Variants in RICTOR observed in about 807,000 individuals in gnomAD.
RICTOR encodes the protein rapamycin-insensitive companion of mTOR.
A neutral mutation model predicts 214.9 loss-of-function variants in RICTOR; 49 were observed. That is an observed-to-expected ratio of 0.23 (90% CI 0.18 to 0.29). The LOEUF is 0.29. RICTOR is among the 10% of genes least tolerant of loss of function. The pLI, the probability that RICTOR is intolerant of heterozygous loss-of-function variation, is 1.00. For missense variants in RICTOR, 1,625 were observed against 2,047.0 expected (o/e 0.79, Z 3.98); for synonymous variants, 717 against 711.3 (o/e 1.01, Z -0.13).
At chr5:38,999,027 C>CA (rs1186312478) in intron 5 of RICTOR, among the ~76,000 whole-genome samples, 384 of 25,142 alleles carry the variant, frequency 0.015, 2 homozygotes, top group African/African-American at 0.024. Context: ...AACAAACAGG[C>CA]AAAAAAAAAA....
At chr5:38,975,927 C>T (rs1011820256) in intron 9 of RICTOR, among the ~76,000 whole-genome samples, 3 of 152,114 alleles carry the variant, frequency 2.0e-5, no homozygotes, top group Non-Finnish European at 4.4e-5. Flanking sequence ...ACTAGGCTGC[C>T]CCTTAGCAAA....
At chr5:39,021,958 T>A (rs867377136) in intron 2 of RICTOR, among the ~76,000 whole-genome samples, 1 of 152,168 alleles carries the variant, frequency 6.6e-6, no homozygotes, top group South Asian at 2.1e-4. Context: ...CTTAGAACGG[T>A]TAGACCTAAT....
Position 39,073,995 on chromosome 5 carries a change from G to A in RICTOR, c.97+116C>T, listed in dbSNP as rs1359137305. ...GGCCGGCAGGCGGGGCTCCGGCTCTGGCCCCCGCACCCCGCCGGTCCCGTG... is the reference window on the plus strand; with the variant it reads ...GGCCGGCAGGCGGGGCTCCGGCTCTAGCCCCCGCACCCCGCCGGTCCCGTG... On this transcript the variant is annotated intron_variant, in intron 2 of 37. Transcript: ENST00000357387. 576 of 600,850 alleles carry A rather than the reference G, an allele frequency of 9.6e-4. 3 individuals are homozygous for A. The highest frequency in any genetic ancestry group is 1.9e-3 in the South Asian group (25 of 13,182). The allele number at this position is 600,850 out of a possible 1,614,324, so 37.2% of individuals were successfully genotyped here.
chr5:39,019,667 A>G (rs1189338269), intron 3 of RICTOR, among the ~76,000 whole-genome samples: 1 of 152,196 alleles, frequency 6.6e-6, no homozygotes, highest in Non-Finnish European at 1.5e-5. Context: ...TAGTCACCCA[A>G]GAGTTGACAG....
chr5:38,954,123 A>G (rs1749030910), intron 27 of RICTOR, among the ~76,000 whole-genome samples: 1 of 151,950 alleles, frequency 6.6e-6, no homozygotes, highest in Non-Finnish European at 1.5e-5. Flanking sequence ...CTTGAGATGA[A>G]TACTGATACA....
chr5:38,963,170 A>G (rs765084681), intron 16 of RICTOR, 129 bp from the exon 17 acceptor site: 1 of 619,184 alleles, frequency 1.6e-6, no homozygotes, highest in African/African-American at 1.8e-5. Context: ...AAATTATTTC[A>G]TCAAATTTGG....
intron 30 of RICTOR, 49 bp from the exon 31 acceptor site, chr5:38,950,769 C>A: frequency 1.4e-6 from 2 of 1,465,400 alleles, no homozygotes; most frequent in South Asian, 1.4e-5. Flanking sequence ...ATGACAAATT[C>A]ATGATAACTA....
intron 8 of RICTOR, 115 bp from the exon 9 acceptor site, chr5:38,978,765 G>T: frequency 2.0e-6 from 1 of 488,108 alleles, no homozygotes; most frequent in Non-Finnish European, 3.6e-6. Flanking sequence ...ACTGCTTGGG[G>T]GACTTATTTC....
At chr5:39,034,162 C>T (rs1470280090) in intron 2 of RICTOR, among the ~76,000 whole-genome samples, 1 of 152,180 alleles carries the variant, frequency 6.6e-6, no homozygotes, top group Non-Finnish European at 1.5e-5. Flanking sequence ...TCTTAAAATT[C>T]TATTAAAAGC....
intron 2 of RICTOR, among the ~76,000 whole-genome samples, chr5:39,022,945 C>G (rs1755541143): frequency 6.6e-6 from 1 of 152,054 alleles, no homozygotes; most frequent in African/African-American, 2.4e-5. Context: ...TGAAAACTTT[C>G]CAAATTTGAT....
At chr5:38,998,931 A>G (rs1753379219) in intron 5 of RICTOR, among the ~76,000 whole-genome samples, 1 of 149,258 alleles carries the variant, frequency 6.7e-6, no homozygotes, top group East Asian at 2.0e-4. Context: ...CAGGAGAATC[A>G]CTTGAACCCA....
intron 37 of RICTOR, 41 bp downstream of exon 37, chr5:38,942,792 A>T (rs1747735235): frequency 6.8e-7 from 1 of 1,463,584 alleles, no homozygotes. Context: ...ACACAGAATT[A>T]TTCTTGGAAG....
At chr5:39,029,556 C>A (rs1756109366) in intron 2 of RICTOR, among the ~76,000 whole-genome samples, 1 of 152,044 alleles carries the variant, frequency 6.6e-6, no homozygotes, top group African/African-American at 2.4e-5. Context: ...AAATCTGAAT[C>A]CAAGTACCTA....
chr5:39,006,428 T>C (rs1195563217), intron 3 of RICTOR, among the ~76,000 whole-genome samples: 2 of 152,068 alleles, frequency 1.3e-5, no homozygotes, highest in Admixed American at 6.6e-5. Flanking sequence ...CTAACTGAAA[T>C]GGATTAAAGA....
rs773954623 is a variant in RICTOR, at chr5:38,964,755, T to C, written c.1400+37A>G. The C allele has an allele frequency of 1.4e-5, 15 of 1,070,374 alleles. No individual in the cohort carries two copies. The South Asian group carries it at 2.1e-4, about 15-fold the overall frequency. 66.3% of individuals were successfully genotyped at this position (1,070,374 alleles called of 1,614,324 possible). A position where few individuals can be genotyped will look rare whatever the true frequency, so the allele number is the denominator to read the frequency against. On this transcript the variant is annotated intron_variant, in intron 16 of 37. Coordinates refer to ENST00000357387, the MANE Select transcript of RICTOR (RefSeq NM_152756.5). ...CAATAATCTAATTTGATATTAAATATATCAAACAAAAGCTTTGCTAAAGCT... is the reference window on the plus strand; with the variant it reads ...CAATAATCTAATTTGATATTAAATACATCAAACAAAAGCTTTGCTAAAGCT...
intron 2 of RICTOR, among the ~76,000 whole-genome samples, chr5:39,059,449 G>A (rs1758400395): frequency 6.6e-6 from 1 of 152,090 alleles, no homozygotes; most frequent in South Asian, 2.1e-4. Context: ...GATTCCCCAT[G>A]TGTTCAATTT....
At chr5:39,068,985 C>T (rs1327246762) in intron 2 of RICTOR, among the ~76,000 whole-genome samples, 1 of 152,046 alleles carries the variant, frequency 6.6e-6, no homozygotes, top group Non-Finnish European at 1.5e-5. Flanking sequence ...AATTTCAAAG[C>T]CTATATTCTC....
At chr5:39,049,634 CA>C (rs1159136565) in intron 2 of RICTOR, among the ~76,000 whole-genome samples, 482 of 53,322 alleles carry the variant, frequency 9.0e-3, no homozygotes, top group African/African-American at 0.018. Context: ...AGAGAACATT[CA>C]AAAAAAAAAA....
At chr5:38,973,884 G>C (rs1337000482) in intron 10 of RICTOR, among the ~76,000 whole-genome samples, 1 of 152,066 alleles carries the variant, frequency 6.6e-6, no homozygotes, top group African/African-American at 2.4e-5. Flanking sequence ...CAGAAATAAT[G>C]TTACAAGTAC....
Sources: gnomAD v4.1 joint callset for allele counts (sites outside exome capture counted in the v4.1 genomes callset) on GRCh38, gnomAD v4.1.1 for gene constraint, MANE v1.5 for transcripts, NCBI Gene and HGNC (gene_info 2026-07-23, HGNC 2026-07-21) for gene names.